The following NIBAN3 variants were observed in gnomAD, a reference collection of about 807,000 sequenced individuals.
The protein encoded by NIBAN3 is protein Niban 3.
NIBAN3 carries 66 observed loss-of-function variants against 76.4 expected under a neutral mutation model. The observed-to-expected ratio is 0.86, with a 90% CI of 0.71 to 1.06. NIBAN3 has a LOEUF of 1.06. NIBAN3 is among the 50% of genes least tolerant of loss of function. The pLI, the probability that NIBAN3 is intolerant of heterozygous loss-of-function variation, is 0.00. For missense variants in NIBAN3, 808 were observed against 810.7 expected (o/e 1.00, Z 0.04); for synonymous variants, 360 against 355.2 (o/e 1.01, Z -0.15).
At chr19:17,535,727 GACAGAGCAAGACTCTGTCAAAA>G (rs969683508) in intron 4 of NIBAN3, among the ~76,000 whole-genome samples, 1 of 145,266 alleles carries the variant, frequency 6.9e-6, no homozygotes, top group Non-Finnish European at 1.5e-5. Context: ...CAGCATGGGA[GACAGAGCAAGACTCTGTCAAAA>G]AAAAAAAAAA....
chr19:17,543,928 G>A, intron 12 of NIBAN3: 1 of 217,026 alleles, frequency 4.6e-6, no homozygotes, highest in South Asian at 7.6e-5. Context: ...GGAGGGGAAG[G>A]TTGCAGTGAG....
rs760973855 is a variant in NIBAN3 at position 17,537,558 on chromosome 19, G to C, written c.595+15G>C. ...TCAGGGCATAGGTGGGTCTCAGGAC[G>C]GGTCAGACATTTGTGGGGCTAATGG... On this transcript the variant is annotated intron_variant, in intron 5 of 14. Coordinates refer to ENST00000599164, the MANE Select transcript of NIBAN3 (RefSeq NM_001321827.2). 1.3e-6 allele frequency: 2 copies of C among 1,561,624 alleles called. No homozygotes were observed. The highest frequency in any genetic ancestry group is 4.5e-5 in the East Asian group (2 of 44,282).
At chr19:17,547,182 G>A (rs528475060) in intron 13 of NIBAN3, among the ~76,000 whole-genome samples, 3 of 151,202 alleles carry the variant, frequency 2.0e-5, no homozygotes, top group Non-Finnish European at 3.0e-5. Flanking sequence ...GTGAAACCCC[G>A]TCTCTACTAA....
chr19:17,530,331 A>AG (rs1221263993), intron 1 of NIBAN3, among the ~76,000 whole-genome samples: 2 of 151,448 alleles, frequency 1.3e-5, no homozygotes, highest in East Asian at 3.9e-4. Context: ...ACAAAAAACA[A>AG]AAAACAAAAC....
chr19:17,540,560 CA>C lies in NIBAN3; in HGVS notation c.1149del (p.Gly384AlafsTer20). ...TCCCACCGCCTGCGCCAGAGCCCCT[CA>C]GGCACGCGGCTGCGCAGGGAGGTGA... The part of the protein sequence containing the change: ...RLSHRLRQSP[S>X]GTRLRREVYS... On this transcript the variant is annotated frameshift_variant, in exon 9 of 15. Coordinates refer to ENST00000599164, the MANE Select transcript of NIBAN3 (RefSeq NM_001321827.2). LOFTEE classifies it high-confidence loss of function. The C allele has an allele frequency of 1.9e-6, 3 of 1,545,234 alleles. No individual in the cohort carries two copies. Among genetic ancestry groups the C allele is most frequent in the Non-Finnish European group, 2.6e-6 (3 of 1,144,372 alleles).
Position 17,543,542 on chromosome 19 carries a change from G to A in NIBAN3, c.1465G>A (p.Gly489Arg), listed in dbSNP as rs141937404. The change falls in exon 12 of 15, where the codon GGG (glycine) becomes AGG (arginine). Residue 489 changes from glycine (G) to arginine (R), a missense_variant. By Grantham distance (125) the Gly-to-Arg change is moderately radical. Coordinates refer to ENST00000599164, the MANE Select transcript of NIBAN3 (RefSeq NM_001321827.2). The part of the protein sequence containing the change: ...RVLKKFKSDS[G>R]LAQRRFIRGW... ...TGTGCAGAAATTCAAATCGGACAGC[G>A]GGTTGGCGCAGAGGAGGTTCATCCG... 1.1e-4 allele frequency: 180 copies of A among 1,614,174 alleles called. No individual in the cohort carries two copies. In the Admixed American group the frequency reaches 1.9e-3, roughly 17 times the overall value.
At chr19:17,543,060 C>G (rs2075984346) in intron 10 of NIBAN3, among the ~76,000 whole-genome samples, 1 of 152,176 alleles carries the variant, frequency 6.6e-6, no homozygotes, top group Admixed American at 6.5e-5. Flanking sequence ...GCTCCCTACT[C>G]CCCATTCTGG....
At chr19:17,549,596 G>T in intron 14 of NIBAN3, 69 bp downstream of exon 14, 1 of 1,171,454 alleles carries the variant, frequency 8.5e-7, no homozygotes, top group Non-Finnish European at 1.3e-6. Flanking sequence ...AGGCCCACAT[G>T]GGGTGTATGG....
intron 2 of NIBAN3, 97 bp downstream of exon 2, chr19:17,530,982 GC>G (rs1262407469): frequency 6.8e-5 from 93 of 1,363,406 alleles, no homozygotes; most frequent in Non-Finnish European, 8.2e-5. Context: ...CTTTGCCATT[GC>G]CATAGGATGA....
intron 3 of NIBAN3, 26 bp from the exon 4 acceptor site, chr19:17,533,561 G>A (rs1214258423): frequency 2.0e-6 from 3 of 1,520,156 alleles, no homozygotes; most frequent in Admixed American, 1.7e-5. Context: ...CCTGTCCCAG[G>A]TTGGTTCTCT....
In NIBAN3 at chr19:17,539,271, T is replaced by G; in HGVS notation, c.711+6T>G. ...CCCTAGGCTCAGACGCCGAGGTTAGTGCCCCGCGAGGCCGCACCCGGGACC... is the reference window on the plus strand; with the variant it reads ...CCCTAGGCTCAGACGCCGAGGTTAGGGCCCCGCGAGGCCGCACCCGGGACC... On this transcript the variant is annotated splice_donor_region_variant and intron_variant, in intron 6 of 14. Transcript: ENST00000599164. The G allele has an allele frequency of 6.3e-7, 1 of 1,592,096 alleles. No homozygotes were observed. The highest frequency in any genetic ancestry group is 8.5e-7 in the Non-Finnish European group (1 of 1,169,772).
chr19:17,539,329 T>A lies in NIBAN3; in HGVS notation c.712-18T>A. On this transcript the variant is annotated intron_variant, in intron 6 of 14. Coordinates refer to ENST00000599164, the MANE Select transcript of NIBAN3 (RefSeq NM_001321827.2). ...CCCTCCCGGCCGACCGCGGCGCCCATGGCCCCCTCTCCTGCAGGTGCTGAC... is the reference window on the plus strand; with the variant it reads ...CCCTCCCGGCCGACCGCGGCGCCCAAGGCCCCCTCTCCTGCAGGTGCTGAC... 1 of 1,550,750 alleles carries A rather than the reference T, an allele frequency of 6.4e-7. No homozygotes were observed. Among genetic ancestry groups the A allele is most frequent in the Non-Finnish European group, 8.7e-7 (1 of 1,148,266 alleles).
At chr19:17,549,332 C>T in intron 13 of NIBAN3, 112 bp from the exon 14 acceptor site, 2 of 770,058 alleles carry the variant, frequency 2.6e-6, no homozygotes, top group Non-Finnish European at 4.4e-6. Context: ...CTATGTGAGC[C>T]ACCTCTTTAG....
At chr19:17,544,670 C>T (rs1298230918) in intron 12 of NIBAN3, among the ~76,000 whole-genome samples, 1 of 152,186 alleles carries the variant, frequency 6.6e-6, no homozygotes, top group Non-Finnish European at 1.5e-5. Flanking sequence ...GTGGCTGAAG[C>T]TCAGTGAGTG....
rs768479344 is a variant in NIBAN3 at position 17,543,444 on chromosome 19, T to C, written c.1446+11T>C. ...GGGCGCGTGCTGAAGGTGTGTTCTG[T>C]GGGTACGGGGTGGCATGGGGTGGCA... is the stretch of plus-strand genomic sequence containing the variant. On this transcript the variant is annotated intron_variant, in intron 11 of 14. Coordinates refer to ENST00000599164, the MANE Select transcript of NIBAN3 (RefSeq NM_001321827.2). The C allele has an allele frequency of 1.2e-6, 2 of 1,612,498 alleles. No homozygotes were observed. The highest frequency in any genetic ancestry group is 3.3e-5 in the Admixed American group (2 of 59,972).
intron 14 of NIBAN3, 92 bp from the exon 15 acceptor site, chr19:17,551,694 A>C: frequency 1.7e-6 from 1 of 599,920 alleles, no homozygotes; most frequent in Non-Finnish European, 3.1e-6. Flanking sequence ...CCCAGCCAAC[A>C]TCTCTATTAA....
chr19:17,528,452 G>A (rs2075649878), intron 1 of NIBAN3, among the ~76,000 whole-genome samples: 1 of 152,110 alleles, frequency 6.6e-6, no homozygotes, highest in South Asian at 2.1e-4. Context: ...AGGGGTTCAG[G>A]TGGGAGGCAT....
chr19:17,550,843 C>CTTTTTT lies in NIBAN3; in HGVS notation c.1751-925_1751-920dup, dbSNP rs10690901. Among the ~76,000 whole-genome samples the CTTTTTT allele has an allele frequency of 5.1e-4, 47 of 91,550 alleles. 4 individuals carry two copies. The highest frequency in any genetic ancestry group is 8.5e-4 in the African/African-American group (21 of 24,664). The allele number at this position is 91,550 out of a possible 152,430, so 60.1% of individuals were successfully genotyped here. ...GCCACAGGGATTAATCTTGTACATACTTTTTTTTTTTTTTTTTTTTTTTCA... is the reference window on the plus strand; with the variant it reads ...GCCACAGGGATTAATCTTGTACATACTTTTTTTTTTTTTTTTTTTTTTTTTTTTTCA... On this transcript the variant is annotated intron_variant, in intron 14 of 14. Coordinates refer to ENST00000599164, the MANE Select transcript of NIBAN3 (RefSeq NM_001321827.2).
In NIBAN3 at chr19:17,542,432, G is replaced by T. The variant is rs34661544; in HGVS notation, c.1329+138G>T. On this transcript the variant is annotated intron_variant, in intron 10 of 14. Coordinates refer to ENST00000599164, the MANE Select transcript of NIBAN3 (RefSeq NM_001321827.2). This position sits in a 1 kb window ranked among gnomAD's most constrained non-coding sequence, Gnocchi z 4.8. The stretch of plus-strand genomic sequence containing the variant: ...GCCAGTCTCATGGGGACATGAGCCC[G>T]TGACCAGGCAGCAGCCACATGTGGT... 4.3e-6 allele frequency: 4 copies of T among 921,506 alleles called. No homozygotes were observed. In the African/African-American group the frequency reaches 6.7e-5, roughly 15 times the overall value. The allele number at this position is 921,506 out of a possible 1,614,324, so 57.1% of individuals were successfully genotyped here.
Sources: gnomAD v4.1 joint callset for allele counts (sites outside exome capture counted in the v4.1 genomes callset) on GRCh38, gnomAD v4.1.1 for gene constraint, Gnocchi (gnomAD v3.1) non-coding constraint, MANE v1.5 for transcripts, NCBI Gene and HGNC (gene_info 2026-07-23, HGNC 2026-07-21) for gene names.